HDAC9: variants seen among roughly 807,000 people sequenced by gnomAD.
HDAC9 encodes histone deacetylase 9.
In HDAC9, 41 loss-of-function variants were observed where a neutral mutation model predicts 139.4. The ratio of observed to expected loss-of-function variants is 0.29; its 90% CI spans 0.23 to 0.38. HDAC9 has a LOEUF of 0.38. Among genes scored for constraint, HDAC9 ranks in the 10% least tolerant of loss-of-function variants. The pLI is 1.00. For synonymous variants in HDAC9, 517 were observed against 476.2 expected, an observed-to-expected ratio of 1.09 and a Z score of -1.12; for missense variants, 1,147 against 1,297.0, an observed-to-expected ratio of 0.88 and a Z score of 1.78.
At chr7:18,801,734 G>A (rs956292869) in intron 17 of HDAC9, among the ~76,000 whole-genome samples, 1 of 151,980 alleles carries the variant, frequency 6.6e-6, no homozygotes, top group East Asian at 1.9e-4. Flanking sequence ...TGTAACTACT[G>A]ATTCAAATTC....
chr7:18,838,761 T>G (rs1796398492), intron 21 of HDAC9, among the ~76,000 whole-genome samples: 1 of 151,870 alleles, frequency 6.6e-6, no homozygotes, highest in Non-Finnish European at 1.5e-5. Context: ...AAATGGTGCC[T>G]TTTCTTTTCT....
At chr7:18,204,271 A>G (rs907480540) in intron 2 of HDAC9, among the ~76,000 whole-genome samples, 1 of 151,236 alleles carries the variant, frequency 6.6e-6, no homozygotes, top group Non-Finnish European at 1.5e-5. Context: ...GGTGTTACAG[A>G]CAGATTTATA....
chr7:18,934,284 A>G (rs1473011652), intron 22 of HDAC9, among the ~76,000 whole-genome samples: 2 of 152,044 alleles, frequency 1.3e-5, no homozygotes, highest in African/African-American at 4.8e-5. Context: ...GGCATCAGAT[A>G]ATAAAAACAG....
intron 16 of HDAC9, among the ~76,000 whole-genome samples, chr7:18,785,701 A>T (rs996967677): frequency 2.0e-5 from 3 of 152,186 alleles, no homozygotes; most frequent in Admixed American, 2.0e-4. Flanking sequence ...TCTGTTTTTT[A>T]AAATACCATT....
At chr7:18,589,566 G>T (rs896704739) in intron 3 of HDAC9, among the ~76,000 whole-genome samples, 6 of 152,006 alleles carry the variant, frequency 3.9e-5, no homozygotes, top group African/African-American at 1.4e-4. Context: ...AAGAGTGCAA[G>T]AATGCATCAT....
chr7:18,460,908 A>C (rs965248096), intron 1 of HDAC9, among the ~76,000 whole-genome samples: 3 of 152,244 alleles, frequency 2.0e-5, no homozygotes, highest in African/African-American at 7.2e-5. Flanking sequence ...AAAACAACCT[A>C]ATGATCTACT....
chr7:18,747,188 G>A (rs1435442896), intron 13 of HDAC9, among the ~76,000 whole-genome samples: 1 of 152,140 alleles, frequency 6.6e-6, no homozygotes. Context: ...ATGGGGAGGG[G>A]CCTATGTATG....
chr7:18,713,716 T>A (rs1784506305), intron 12 of HDAC9, among the ~76,000 whole-genome samples: 2 of 152,092 alleles, frequency 1.3e-5, no homozygotes, highest in Admixed American at 6.5e-5. Flanking sequence ...CATAAGGAGC[T>A]AAATGATCAT....
At chr7:18,399,945 G>A (rs906206954) in intron 1 of HDAC9, among the ~76,000 whole-genome samples, 2 of 152,180 alleles carry the variant, frequency 1.3e-5, no homozygotes, top group African/African-American at 2.4e-5. Flanking sequence ...GTATGCTTAG[G>A]AGGTCACAGA....
chr7:18,754,267 G>A (rs1343740114), intron 14 of HDAC9, among the ~76,000 whole-genome samples: 1 of 152,006 alleles, frequency 6.6e-6, no homozygotes, highest in African/African-American at 2.4e-5. Context: ...ATCTGGAGGG[G>A]TTATTTGGTG....
At chr7:18,337,896 G>C (rs1781699018) in intron 1 of HDAC9, among the ~76,000 whole-genome samples, 1 of 151,514 alleles carries the variant, frequency 6.6e-6, no homozygotes, top group Non-Finnish European at 1.5e-5. Flanking sequence ...AACTTCTTTG[G>C]ACTTCAGTTT....
intron 8 of HDAC9, among the ~76,000 whole-genome samples, chr7:18,642,566 G>A (rs1014858014): frequency 4.4e-4 from 67 of 152,168 alleles, no homozygotes; most frequent in African/African-American, 1.6e-3. Context: ...TGAAGAATAG[G>A]TTAGCCTCCA....
intron 8 of HDAC9, among the ~76,000 whole-genome samples, chr7:18,637,603 C>G (rs1460264416): frequency 1.3e-5 from 2 of 152,072 alleles, no homozygotes; most frequent in Non-Finnish European, 2.9e-5. Context: ...ACAGGACATT[C>G]ACCTCCAAAT....
At chr7:18,354,119 A>G (rs368431766) in intron 1 of HDAC9, among the ~76,000 whole-genome samples, 1 of 152,176 alleles carries the variant, frequency 6.6e-6, no homozygotes, top group South Asian at 2.1e-4. Flanking sequence ...ATCATCATAT[A>G]GGGTGTGGAT....
At chr7:18,168,570 CTG>C (rs765949434) in intron 2 of HDAC9, among the ~76,000 whole-genome samples, 5 of 149,210 alleles carry the variant, frequency 3.4e-5, no homozygotes, top group South Asian at 2.1e-4. Context: ...GTGTGTGTGT[CTG>C]TGTGTGTGTG....
At chr7:18,638,582 G>A (rs1784601120) in intron 8 of HDAC9, among the ~76,000 whole-genome samples, 1 of 152,030 alleles carries the variant, frequency 6.6e-6, no homozygotes. Flanking sequence ...ACCTACACTA[G>A]CAGCTTTGTT....
At chr7:18,192,021 A>G (rs1790381498) in intron 2 of HDAC9, among the ~76,000 whole-genome samples, 1 of 152,134 alleles carries the variant, frequency 6.6e-6, no homozygotes, top group Admixed American at 6.6e-5. Context: ...AAAAACCCTT[A>G]ATTGTGATTG....
In HDAC9 at chr7:18,501,005, A is replaced by G. The variant is rs753875599; in HGVS notation, c.22+4681A>G. Among the ~76,000 whole-genome samples, 32 of 152,284 alleles carry G rather than the reference A, an allele frequency of 2.1e-4. No individual in the cohort carries two copies. In the Middle Eastern group the frequency reaches 0.01, roughly 49 times the overall value. The stretch of plus-strand genomic sequence containing the variant: ...TAGGCCCAGGTAAAAATCTTTACAC[A>G]TAAAGATGAAAGGTTTGAAAAAAAT... On this transcript the variant is annotated intron_variant, in intron 2 of 25. Transcript: ENST00000686413.
rs764227095 is a variant in HDAC9 at position 18,189,918 on chromosome 7, GTGGTGT to G, written c.25+27570_25+27575del. Among the ~76,000 whole-genome samples the G allele has an allele frequency of 8.4e-5, 12 of 142,070 alleles. 1 individual carries two copies. In the South Asian group the frequency reaches 9.9e-4, roughly 12 times the overall value. 93.2% of individuals were successfully genotyped at this position (142,070 alleles called of 152,430 possible). Reference sequence around the variant, plus strand: ...GATTTAACTTGTAAATAACTTGTGTGTGGTGTGTGTGTGTGTGTGTGTGTGTGTGTG... The same window carrying G: ...GATTTAACTTGTAAATAACTTGTGTGGTGTGTGTGTGTGTGTGTGTGTGTG... On this transcript the variant is annotated intron_variant, in intron 2 of 12. Transcript: ENST00000417496.
Sources: gnomAD v4.1 joint callset for allele counts (sites outside exome capture counted in the v4.1 genomes callset) on GRCh38, gnomAD v4.1.1 for gene constraint, MANE v1.5 for transcripts, NCBI Gene and HGNC (gene_info 2026-07-23, HGNC 2026-07-21) for gene names.